Variants in LGR6 observed in about 807,000 individuals in gnomAD.
The protein encoded by LGR6 is leucine-rich repeat-containing G protein-coupled receptor 6.
A neutral mutation model predicts 69.4 loss-of-function variants in LGR6; 45 were observed. The observed-to-expected ratio is 0.65, with a 90% CI of 0.51 to 0.83. The LOEUF is 0.83. Among genes scored for constraint, LGR6 ranks in the 40% least tolerant of loss-of-function variants. The pLI, the probability that LGR6 is intolerant of heterozygous loss-of-function variation, is 0.00. For synonymous variants in LGR6, 538 were observed against 555.0 expected (o/e 0.97, Z 0.43); for missense variants, 1,108 against 1,246.7 (o/e 0.89, Z 1.68).
chr1:202,270,924 G>C (rs972184593), intron 4 of LGR6, among the ~76,000 whole-genome samples: 1 of 152,150 alleles, frequency 6.6e-6, no homozygotes, highest in Admixed American at 6.6e-5. Flanking sequence ...AGCTGGGGGA[G>C]TATGAGAAGC....
chr1:202,263,513 C>A (rs1664403140), intron 4 of LGR6, among the ~76,000 whole-genome samples: 1 of 152,126 alleles, frequency 6.6e-6, no homozygotes, highest in Non-Finnish European at 1.5e-5. Context: ...TCCATTTTAA[C>A]TGGAAACAAC....
At chr1:202,237,943 T>C (rs1263241204) in intron 4 of LGR6, among the ~76,000 whole-genome samples, 1 of 151,424 alleles carries the variant, frequency 6.6e-6, no homozygotes, top group African/African-American at 2.4e-5. Context: ...TCACAGGGTG[T>C]TGGGAAGATC....
At chr1:202,230,381 C>G (rs1392263927) in intron 3 of LGR6, among the ~76,000 whole-genome samples, 1 of 152,048 alleles carries the variant, frequency 6.6e-6, no homozygotes, top group Non-Finnish European at 1.5e-5. Flanking sequence ...GAGTCAGCTA[C>G]TGCAGGGAAC....
intron 1 of LGR6, among the ~76,000 whole-genome samples, chr1:202,211,283 T>A (rs551217715): frequency 2.0e-5 from 3 of 152,316 alleles, no homozygotes; most frequent in Admixed American, 6.5e-5. Context: ...ACATAAAAAC[T>A]GAGAATTATT....
intron 1 of LGR6, among the ~76,000 whole-genome samples, chr1:202,204,906 AAACACACACACACACCT>A (rs1571807485): frequency 4.1e-5 from 1 of 24,218 alleles, no homozygotes; most frequent in East Asian, 1.7e-3. Flanking sequence ...ACACACCTCC[AAACACACACACACACCT>A]AACACACACC....
chr1:202,273,462 T>G (rs1161680512), intron 4 of LGR6, among the ~76,000 whole-genome samples: 9 of 142,030 alleles, frequency 6.3e-5, no homozygotes, highest in Admixed American at 2.8e-4. Context: ...TTTTTTTTTG[T>G]TTTTTTTTTT....
At chr1:202,262,145 A>G (rs1242001045) in intron 4 of LGR6, among the ~76,000 whole-genome samples, 1 of 151,916 alleles carries the variant, frequency 6.6e-6, no homozygotes, top group African/African-American at 2.4e-5. Flanking sequence ...TGTTTTAGAC[A>G]TGAAGTCCTT....
chr1:202,230,319 G>C (rs749009451), intron 3 of LGR6, among the ~76,000 whole-genome samples: 32 of 142,026 alleles, frequency 2.3e-4, no homozygotes, highest in Non-Finnish European at 3.5e-4. Context: ...TTCTTCTTCT[G>C]AGAGTTCTCT....
chr1:202,300,670 AAAAG>A (rs1553253370), intron 7 of LGR6, among the ~76,000 whole-genome samples, 175 bp from the exon 8 acceptor site: 23 of 152,014 alleles, frequency 1.5e-4, no homozygotes, highest in East Asian at 1.9e-4. Flanking sequence ...AAAAAAAAAA[AAAAG>A]AAAGAAAGAA....
chr1:202,307,211 C>G (rs1424797892), intron 13 of LGR6, 119 bp from the exon 14 acceptor site: 2 of 996,292 alleles, frequency 2.0e-6, no homozygotes, highest in African/African-American at 3.2e-5. Flanking sequence ...CCCCAAAAGG[C>G]AAAGGTTACT....
intron 4 of LGR6, among the ~76,000 whole-genome samples, chr1:202,256,555 T>C (rs1288178075): frequency 2.0e-5 from 3 of 152,228 alleles, no homozygotes; most frequent in African/African-American, 7.2e-5. Flanking sequence ...CTTATTCCTT[T>C]TTATAGCTGA....
At chr1:202,280,946 A>C in intron 6 of LGR6, 94 bp downstream of exon 6, 2 of 1,166,380 alleles carry the variant, frequency 1.7e-6, no homozygotes, top group Non-Finnish European at 2.5e-6. Context: ...AAGAGCCAGC[A>C]GTCCTGGGAT....
intron 4 of LGR6, among the ~76,000 whole-genome samples, chr1:202,237,470 A>G (rs1345959451): frequency 6.6e-6 from 1 of 152,274 alleles, no homozygotes; most frequent in Non-Finnish European, 1.5e-5. Flanking sequence ...GAAAAAAATT[A>G]GACTTTCACT....
chr1:202,194,224 C>A, intron 1 of LGR6, 23 bp downstream of exon 1: 1 of 1,518,294 alleles, frequency 6.6e-7, no homozygotes, highest in Admixed American at 2.0e-5. Context: ...CGCCTGTCCC[C>A]GCCTGGTCCT....
At chr1:202,277,843 G>T (rs1665701675) in intron 5 of LGR6, among the ~76,000 whole-genome samples, 1 of 138,628 alleles carries the variant, frequency 7.2e-6, no homozygotes, top group South Asian at 2.3e-4. Context: ...GGGGAAGGAG[G>T]CTTCCTGGGG....
chr1:202,291,659 G>C (rs964448788), intron 6 of LGR6, among the ~76,000 whole-genome samples: 1 of 152,202 alleles, frequency 6.6e-6, no homozygotes, highest in Non-Finnish European at 1.5e-5. Flanking sequence ...TCTGGACTCA[G>C]ATTGCCTGGA....
At chr1:202,284,535 A>G (rs1314236901) in intron 6 of LGR6, among the ~76,000 whole-genome samples, 3 of 152,192 alleles carry the variant, frequency 2.0e-5, no homozygotes, top group Non-Finnish European at 2.9e-5. Flanking sequence ...TCAAGGTCAG[A>G]TCAATCATAG....
chr1:202,239,187 G>C (rs563717823), intron 4 of LGR6, among the ~76,000 whole-genome samples: 3 of 152,136 alleles, frequency 2.0e-5, no homozygotes, highest in Admixed American at 2.0e-4. Context: ...TCTTGCTGGC[G>C]TACGCAAGTA....
intron 1 of LGR6, among the ~76,000 whole-genome samples, chr1:202,204,722 C>T (rs1382969922): frequency 2.3e-5 from 3 of 131,470 alleles, no homozygotes; most frequent in African/African-American, 6.4e-5. Context: ...TAACACACAC[C>T]TCCTTCAAAC....
Sources: allele counts gnomAD v4.1 joint callset (sites outside exome capture counted in the v4.1 genomes callset), GRCh38; gene constraint gnomAD v4.1.1; transcripts MANE v1.5; gene names NCBI Gene and HGNC (gene_info 2026-07-23, HGNC 2026-07-21).